ZNF253: variants seen among roughly 807,000 people sequenced by gnomAD.
The protein encoded by ZNF253 is DNA-binding protein.
A neutral mutation model predicts 11.9 loss-of-function variants in ZNF253; 8 were observed. That is an observed-to-expected ratio of 0.67 (90% CI 0.40 to 1.22). The LOEUF (loss-of-function observed/expected upper bound fraction) is 1.22. Among genes scored for constraint, ZNF253 ranks in the 50% most tolerant of loss-of-function variants. The probability of loss-of-function intolerance (pLI) is 0.01; values close to 1 mark genes in which losing one functional copy is unlikely to be tolerated. For missense variants in ZNF253, 485 were observed against 586.9 expected, an observed-to-expected ratio of 0.83 and a Z score of 1.79; for synonymous variants, 194 against 194.9, an observed-to-expected ratio of 1.00 and a Z score of 0.04.
chr19:19,878,250 T>C (rs1179161730), intron 1 of ZNF253, among the ~76,000 whole-genome samples: 2 of 152,236 alleles, frequency 1.3e-5, no homozygotes, highest in African/African-American at 2.4e-5. Flanking sequence ...TGCTCTATTA[T>C]CTAAAAAATA....
intron 3 of ZNF253, among the ~76,000 whole-genome samples, chr19:19,884,400 C>T (rs1239380417): frequency 1.3e-5 from 2 of 151,332 alleles, no homozygotes; most frequent in East Asian, 3.9e-4. Flanking sequence ...GAGATCGAGT[C>T]TCCCGCTGTC....
chr19:19,891,007 A>ATTTTTTTTTTTTTTT (rs1568501169), intron 3 of ZNF253, among the ~76,000 whole-genome samples: 9 of 149,814 alleles, frequency 6.0e-5, no homozygotes, highest in African/African-American at 2.3e-4. Context: ...TGTCTGGCTA[A>ATTTTTTTTTTTTTTT]TTTTTTGTAT....
Position 19,874,908 on chromosome 19 carries a change from T to TCAAA in ZNF253, c.4-3556_4-3553dup, listed in dbSNP as rs199740088. Among the ~76,000 whole-genome samples the TCAAA allele has an allele frequency of 2.1e-3, 326 of 152,232 alleles. 9 individuals are homozygous for TCAAA. In the East Asian group the frequency reaches 0.04, roughly 19 times the overall value. On this transcript the variant is annotated intron_variant, in intron 1 of 3. Coordinates refer to ENST00000589717, the MANE Select transcript of ZNF253 (RefSeq NM_021047.3). Reference sequence around the variant, plus strand: ...GCCTGGGCGACAGAGAGACTCCATCTCAAACAAACAAACAAACAAATTACA... The same window carrying TCAAA: ...GCCTGGGCGACAGAGAGACTCCATCTCAAACAAACAAACAAACAAACAAATTACA...
chr19:19,885,492 G>A (rs886126519), intron 3 of ZNF253, among the ~76,000 whole-genome samples: 8 of 151,406 alleles, frequency 5.3e-5, no homozygotes, highest in Non-Finnish European at 8.8e-5. Flanking sequence ...CTGGGTTCAC[G>A]CCATTCTCCT....
Position 19,891,805 on chromosome 19 carries a change from C to T in ZNF253, c.558C>T (p.Thr186=), listed in dbSNP as rs1253705949. 3 of 1,614,144 alleles carry T rather than the reference C, an allele frequency of 1.9e-6. No individual in the cohort carries two copies. The highest frequency in any genetic ancestry group is 1.7e-5 in the Admixed American group (1 of 60,016). The change falls in exon 4 of 4, where the codon ACC becomes ACT. Residue 186 remains threonine (T), a synonymous_variant. Coordinates refer to ENST00000589717, the MANE Select transcript of ZNF253 (RefSeq NM_021047.3). ...ICGKAFKRSS[T]LTTHKKIHTG... ...GCAAAGCTTTTAAACGGTCCTCAAC[C>T]CTTACTACACATAAGAAAATTCATA...
intron 1 of ZNF253, among the ~76,000 whole-genome samples, chr19:19,875,721 A>G (rs2063152638): frequency 1.3e-5 from 2 of 151,972 alleles, no homozygotes; most frequent in Admixed American, 1.3e-4. Context: ...CTTTATCTTG[A>G]AATCTGTCTA....
At position 19,873,414 on chromosome 19, in the gene ZNF253, A is replaced by T. The variant is rs148465923; in HGVS notation, c.4-5067A>T. Among the ~76,000 whole-genome samples, 1,489 of 152,286 alleles carry T rather than the reference A, an allele frequency of 9.8e-3. 13 individuals carry two copies. Among genetic ancestry groups the T allele is most frequent in the South Asian group, 0.029 (138 of 4,826 alleles). ...CAGCCTGGCTTATCATTGGGCCATCAGCCCTGGGACACTGGGAATTCTCTC... is the reference window on the plus strand; with the variant it reads ...CAGCCTGGCTTATCATTGGGCCATCTGCCCTGGGACACTGGGAATTCTCTC... On this transcript the variant is annotated intron_variant, in intron 1 of 3. Transcript: ENST00000589717.
chr19:19,870,945 G>C (rs1488163888), intron 1 of ZNF253: 1 of 152,114 alleles, frequency 6.6e-6, no homozygotes, highest in Non-Finnish European at 1.5e-5. Flanking sequence ...TGGCTCATTT[G>C]ATCAATCTGA....
chr19:19,876,392 G>GT (rs2063156196), intron 1 of ZNF253, among the ~76,000 whole-genome samples: 1 of 152,206 alleles, frequency 6.6e-6, no homozygotes, highest in Admixed American at 6.5e-5. Flanking sequence ...TTTGGGTTTG[G>GT]TAGGGATAGG....
chr19:19,892,312 T>TA lies in ZNF253; in HGVS notation c.1066dup (p.Thr356AsnfsTer4), dbSNP rs760557783. On this transcript the variant is annotated frameshift_variant, in exon 4 of 4. Coordinates refer to ENST00000589717, the MANE Select transcript of ZNF253 (RefSeq NM_021047.3). LOFTEE classifies it low-confidence loss of function (END_TRUNC). ...AAGCCTTTCACCTATCCTCACACCT[T>TA]ACTACACATAAGATACTTCATACTG... The TA allele has an allele frequency of 6.8e-6, 11 of 1,610,994 alleles. No homozygotes were observed. The highest frequency in any genetic ancestry group is 1.7e-5 in the Admixed American group (1 of 59,858).
chr19:19,882,175 G>A (rs1263309125), intron 3 of ZNF253, among the ~76,000 whole-genome samples: 1 of 141,492 alleles, frequency 7.1e-6, no homozygotes, highest in African/African-American at 2.9e-5. Flanking sequence ...GGCAACAAGA[G>A]CGAAACTCCG....
Position 19,892,146 on chromosome 19 carries a change from C to T in ZNF253, c.899C>T (p.Thr300Ile). Residue 300 changes from threonine to isoleucine, a missense_variant, in exon 4 of 4, where the codon ACC becomes ATC. By Grantham distance (89) the Thr-to-Ile change is moderately conservative. Coordinates refer to ENST00000589717, the MANE Select transcript of ZNF253 (RefSeq NM_021047.3). Reference protein sequence around the residue: ...GKAFKHPSHVTTHKKIHTRGK... With the variant: ...GKAFKHPSHVITHKKIHTRGK... Reference sequence around the variant, plus strand: ...GCCTTTAAGCACCCCTCACACGTTACCACACATAAGAAAATTCATACTAGA... The same window carrying T: ...GCCTTTAAGCACCCCTCACACGTTATCACACATAAGAAAATTCATACTAGA... The T allele has an allele frequency of 6.2e-7, 1 of 1,613,490 alleles. No individual in the cohort carries two copies. Among genetic ancestry groups the T allele is most frequent in the South Asian group, 1.1e-5 (1 of 91,032 alleles).
chr19:19,868,559 A>C (rs1169301188), intron 1 of ZNF253, among the ~76,000 whole-genome samples: 1 of 151,930 alleles, frequency 6.6e-6, no homozygotes, highest in Non-Finnish European at 1.5e-5. Context: ...GCACTCATGA[A>C]CTTTTTTTTA....
chr19:19,869,836 C>CT (rs1423340195), intron 1 of ZNF253, among the ~76,000 whole-genome samples: 5 of 150,922 alleles, frequency 3.3e-5, no homozygotes, highest in Admixed American at 6.6e-5. Flanking sequence ...TGTCCGGCTA[C>CT]TTTTTTGTAT....
At chr19:19,866,076 G>A (rs2063109718) in intron 1 of ZNF253, 77 bp downstream of exon 1, 7 of 1,590,020 alleles carry the variant, frequency 4.4e-6, no homozygotes, top group Non-Finnish European at 6.0e-6. Flanking sequence ...GCGGGACTCT[G>A]CTTCCTCACA....
intron 1 of ZNF253, among the ~76,000 whole-genome samples, chr19:19,868,675 CA>C (rs1277900396): frequency 6.6e-6 from 1 of 151,212 alleles, no homozygotes. Flanking sequence ...TAAAAAGTTC[CA>C]AAAAAGGGGA....
rs765861872 is a variant in ZNF253 at position 19,891,604 on chromosome 19, G to A, written c.357G>A (p.Val119=). 1 of 1,614,144 alleles carries A rather than the reference G, an allele frequency of 6.2e-7. No individual in the cohort carries two copies. Among genetic ancestry groups the A allele is most frequent in the Non-Finnish European group, 8.5e-7 (1 of 1,180,014 alleles). Residue 119 remains valine, a synonymous_variant, in exon 4 of 4, where the codon GTG becomes GTA. Coordinates refer to ENST00000589717, the MANE Select transcript of ZNF253 (RefSeq NM_021047.3). ...AGTTAAAAAAAGGCTGTAAAAGCGT[G>A]GGTGAGCATAAGGTGCACAAAGGAG... The part of the protein sequence containing the change: ...NLQLKKGCKS[V]GEHKVHKGGY...
intron 1 of ZNF253, among the ~76,000 whole-genome samples, chr19:19,868,474 G>A (rs2063120241): frequency 6.6e-6 from 1 of 151,992 alleles, no homozygotes; most frequent in East Asian, 1.9e-4. Context: ...TCTCTTATCA[G>A]CTTTGCCAAA....
intron 3 of ZNF253, among the ~76,000 whole-genome samples, chr19:19,890,017 G>C (rs1488663599): frequency 2.6e-5 from 4 of 151,966 alleles, no homozygotes; most frequent in Non-Finnish European, 5.9e-5. Flanking sequence ...TAATTTTTTT[G>C]ATGGGCCATG....
Sources: allele counts gnomAD v4.1 joint callset (sites outside exome capture counted in the v4.1 genomes callset), GRCh38; gene constraint gnomAD v4.1.1; transcripts MANE v1.5; gene names NCBI Gene and HGNC (gene_info 2026-07-23, HGNC 2026-07-21).